NLGN1: variants seen among roughly 807,000 people sequenced by gnomAD.
NLGN1 encodes the protein neuroligin 1, also known as neuroligin-1.
Under a neutral mutation model 65.5 loss-of-function variants are expected in NLGN1, and 12 were observed. The ratio of observed to expected loss-of-function variants is 0.18; its 90% CI spans 0.12 to 0.30. NLGN1 has a LOEUF of 0.30. NLGN1 is among the 10% of genes least tolerant of loss of function. The probability of loss-of-function intolerance (pLI) is 1.00; values close to 1 mark genes in which losing one functional copy is unlikely to be tolerated. For missense variants in NLGN1, 750 were observed against 1,007.1 expected, an observed-to-expected ratio of 0.74 and a Z score of 3.46; for synonymous variants, 350 against 359.5, an observed-to-expected ratio of 0.97 and a Z score of 0.30.
chr3:174,270,915 G>A (rs904606360), intron 4 of NLGN1, among the ~76,000 whole-genome samples: 8 of 151,598 alleles, frequency 5.3e-5, no homozygotes, highest in Non-Finnish European at 7.4e-5. Flanking sequence ...CTATTTTTCC[G>A]ATCCATATTC....
chr3:174,118,235 T>C (rs75557386), intron 4 of NLGN1, among the ~76,000 whole-genome samples: 2,060 of 152,266 alleles, frequency 0.014, 41 homozygotes, highest in African/African-American at 0.044. Context: ...TTCTTCTTAT[T>C]CGTATTATAT....
chr3:174,257,016 C>T (rs2152851956), intron 4 of NLGN1, among the ~76,000 whole-genome samples: 1 of 152,262 alleles, frequency 6.6e-6, no homozygotes, highest in Non-Finnish European at 1.5e-5. Context: ...ATCCATCTGA[C>T]AAAGGTCTAA....
chr3:173,874,657 A>G (rs1317867465), intron 4 of NLGN1, among the ~76,000 whole-genome samples: 1 of 152,224 alleles, frequency 6.6e-6, no homozygotes, highest in African/African-American at 2.4e-5. Flanking sequence ...ATAAACATGT[A>G]ATTTTCCCCC....
At chr3:173,856,630 T>C (rs1728023057) in intron 4 of NLGN1, among the ~76,000 whole-genome samples, 2 of 152,118 alleles carry the variant, frequency 1.3e-5, no homozygotes, top group Non-Finnish European at 2.9e-5. Flanking sequence ...CAAGCTGAAA[T>C]TCAAAACCAA....
At chr3:174,182,783 T>A (rs1156759776) in intron 4 of NLGN1, among the ~76,000 whole-genome samples, 1 of 152,180 alleles carries the variant, frequency 6.6e-6, no homozygotes, top group Non-Finnish European at 1.5e-5. Flanking sequence ...TCCCTGTTCC[T>A]ACTCAGCTTA....
At chr3:173,850,697 T>C (rs1015343756) in intron 4 of NLGN1, among the ~76,000 whole-genome samples, 6 of 152,086 alleles carry the variant, frequency 3.9e-5, no homozygotes, top group Non-Finnish European at 8.8e-5. Flanking sequence ...GGGTTATTTC[T>C]AAATTATTTT....
At chr3:173,766,953 A>G (rs1462363037) in intron 3 of NLGN1, among the ~76,000 whole-genome samples, 1 of 152,140 alleles carries the variant, frequency 6.6e-6, no homozygotes, top group Non-Finnish European at 1.5e-5. Flanking sequence ...TTTGATTAAA[A>G]CCGATCTGCT....
At chr3:174,013,659 A>C (rs1048534107) in intron 4 of NLGN1, among the ~76,000 whole-genome samples, 3 of 152,166 alleles carry the variant, frequency 2.0e-5, no homozygotes, top group African/African-American at 7.2e-5. Context: ...CATTAGATAA[A>C]TATCGACTTT....
At chr3:174,114,801 A>G (rs1255185336) in intron 4 of NLGN1, among the ~76,000 whole-genome samples, 1 of 152,054 alleles carries the variant, frequency 6.6e-6, no homozygotes, top group African/African-American at 2.4e-5. Flanking sequence ...TTTTACCCCA[A>G]TTCGAAGGTT....
intron 4 of NLGN1, chr3:173,915,115 G>A (rs878886648): frequency 6.6e-6 from 1 of 152,200 alleles, no homozygotes; most frequent in African/African-American, 2.4e-5. Context: ...GATCACAGGC[G>A]TGGATATCTT....
intron 4 of NLGN1, among the ~76,000 whole-genome samples, chr3:174,180,413 T>G (rs1730170751): frequency 6.6e-6 from 1 of 152,162 alleles, no homozygotes; most frequent in African/African-American, 2.4e-5. Context: ...TGCAATTTTG[T>G]TTTTGAGCTG....
intron 3 of NLGN1, among the ~76,000 whole-genome samples, chr3:173,746,526 C>T (rs1775408844): frequency 6.7e-6 from 1 of 150,340 alleles, no homozygotes; most frequent in Non-Finnish European, 1.5e-5. Context: ...CTTGCTGTTT[C>T]CTCTAATGAG....
Position 173,728,124 on chromosome 3 carries a change from A to G in NLGN1, c.494-79556A>G, listed in dbSNP as rs181826461. ...GGCAAGGGTTAGTTTGAAGGTGGTT[A>G]TACTCATGTTAGTGTGAGGCACTAA... On this transcript the variant is annotated intron_variant, in intron 3 of 6. Coordinates refer to ENST00000457714, the Ensembl canonical transcript of NLGN1. Among the ~76,000 whole-genome samples the G allele has an allele frequency of 1.7e-3, 264 of 152,252 alleles. 2 individuals carry two copies. Among genetic ancestry groups the G allele is most frequent in the African/African-American group, 6.1e-3 (253 of 41,570 alleles).
intron 4 of NLGN1, among the ~76,000 whole-genome samples, chr3:174,070,625 C>T (rs1410898797): frequency 1.1e-4 from 16 of 152,014 alleles, no homozygotes; most frequent in African/African-American, 2.9e-4. Flanking sequence ...CCACCGCGCC[C>T]GGCCTTATCT....
intron 3 of NLGN1, among the ~76,000 whole-genome samples, chr3:173,691,291 A>C (rs1502462): frequency 0.95 from 144,766 of 152,166 alleles, 68,911 homozygotes; most frequent in East Asian, 0.99. Flanking sequence ...CCAATGATTC[A>C]AGCCAATGCG....
intron 4 of NLGN1, among the ~76,000 whole-genome samples, chr3:173,941,163 T>G (rs1416150453): frequency 2.0e-5 from 3 of 152,064 alleles, no homozygotes. Flanking sequence ...GCTGCTCCAA[T>G]TATCCGAAGA....
intron 4 of NLGN1, among the ~76,000 whole-genome samples, chr3:174,272,692 T>TAGATAGATAGAC (rs1553987248): frequency 1.1e-4 from 16 of 149,500 alleles, no homozygotes; most frequent in South Asian, 8.5e-4. Context: ...GATAGATAGA[T>TAGATAGATAGAC]AGATAGATAG....
chr3:173,413,508 A>G (rs888083260), intron 1 of NLGN1, among the ~76,000 whole-genome samples: 6 of 152,030 alleles, frequency 3.9e-5, no homozygotes, highest in African/African-American at 1.4e-4. Context: ...GCTGAGGCAG[A>G]AGAATCGCTT....
At chr3:173,832,756 A>G (rs1412010891) in intron 4 of NLGN1, among the ~76,000 whole-genome samples, 4 of 152,236 alleles carry the variant, frequency 2.6e-5, no homozygotes, top group Admixed American at 2.0e-4. Context: ...GATTAAATAA[A>G]TAAATATATA....
Sources: allele counts gnomAD v4.1 joint callset (sites outside exome capture counted in the v4.1 genomes callset), GRCh38; gene constraint gnomAD v4.1.1; transcripts MANE v1.5; gene names NCBI Gene and HGNC (gene_info 2026-07-23, HGNC 2026-07-21).